The following PLCB4 variants were observed in gnomAD, a reference collection of about 807,000 sequenced individuals.
PLCB4 encodes the protein 1-phosphatidylinositol 4,5-bisphosphate phosphodiesterase beta-4.
In PLCB4, 77 loss-of-function variants were observed where a neutral mutation model predicts 178.8. The observed-to-expected ratio is 0.43, with a 90% CI of 0.36 to 0.52. PLCB4 has a LOEUF of 0.52. Among genes scored for constraint, PLCB4 ranks in the 20% least tolerant of loss-of-function variants. PLCB4 has a pLI of 0.00. For missense variants in PLCB4, 1,024 were observed against 1,453.4 expected (o/e 0.70, Z 4.80); for synonymous variants, 496 against 490.8 (o/e 1.01, Z -0.14).
At chr20:9,414,658 C>T (rs2040115977) in intron 25 of PLCB4, among the ~76,000 whole-genome samples, 1 of 152,216 alleles carries the variant, frequency 6.6e-6, no homozygotes. Flanking sequence ...GGAAAACCCT[C>T]TGTGCTCCCT....
At chr20:9,125,120 C>G (rs2146775107) in intron 2 of PLCB4, among the ~76,000 whole-genome samples, 1 of 152,258 alleles carries the variant, frequency 6.6e-6, no homozygotes, top group South Asian at 2.1e-4. Flanking sequence ...GATGGCAATT[C>G]TGCTTTCAGA....
chr20:9,234,896 G>A (rs79819694), intron 3 of PLCB4, among the ~76,000 whole-genome samples: 3,406 of 152,234 alleles, frequency 0.022, 66 homozygotes, highest in African/African-American at 0.033. Context: ...TTTGAGATTT[G>A]TCCTCATGCA....
chr20:9,203,056 A>AAAATATATATATATATATAT (rs769628056), intron 2 of PLCB4, among the ~76,000 whole-genome samples: 10 of 126,142 alleles, frequency 7.9e-5, no homozygotes, highest in African/African-American at 3.3e-4. Flanking sequence ...AAAAAAAAAA[A>AAAATATATATATATATATAT]ATATATATAT....
At chr20:9,203,040 T>TA (rs58109957) in intron 2 of PLCB4, among the ~76,000 whole-genome samples, 2,655 of 111,458 alleles carry the variant, frequency 0.024, 43 homozygotes, top group Non-Finnish European at 0.036. Flanking sequence ...TTGTCTTTGG[T>TA]AAAAAAAAAA....
intron 28 of PLCB4, among the ~76,000 whole-genome samples, chr20:9,426,503 C>A (rs546497010): frequency 6.6e-6 from 1 of 152,024 alleles, no homozygotes; most frequent in African/African-American, 2.4e-5. Flanking sequence ...CTCAGCCTCC[C>A]GATAGCTAGA....
intron 17 of PLCB4, 72 bp from the exon 18 acceptor site, chr20:9,393,516 T>G (rs897744649): frequency 1.1e-5 from 11 of 1,003,242 alleles, no homozygotes; most frequent in Non-Finnish European, 1.7e-5. Context: ...CCTCCCAGGC[T>G]CCTCCTGGAC....
chr20:9,339,152 G>C (rs564520765), intron 7 of PLCB4, 115 bp downstream of exon 7: 1 of 790,088 alleles, frequency 1.3e-6, no homozygotes, highest in Admixed American at 2.9e-5. Context: ...TTAAAAGTTA[G>C]CATTGCTTTG....
intron 2 of PLCB4, among the ~76,000 whole-genome samples, chr20:9,198,274 C>G (rs1239844601): frequency 6.6e-6 from 1 of 152,144 alleles, no homozygotes; most frequent in Non-Finnish European, 1.5e-5. Flanking sequence ...ACATTCCCCC[C>G]CTCTCAAAAC....
intron 1 of PLCB4, among the ~76,000 whole-genome samples, chr20:9,087,055 G>T (rs2090460442): frequency 6.6e-6 from 1 of 151,956 alleles, no homozygotes. Context: ...ACTTATTTGT[G>T]TGTTTCCGTT....
chr20:9,203,889 C>G (rs2093583616), intron 2 of PLCB4, among the ~76,000 whole-genome samples: 1 of 144,206 alleles, frequency 6.9e-6, no homozygotes, highest in Non-Finnish European at 1.5e-5. Flanking sequence ...TAGACCTGGT[C>G]TGAGAACCAT....
chr20:9,203,056 A>AAATATATATATAT (rs769628056), intron 2 of PLCB4, among the ~76,000 whole-genome samples: 1 of 126,158 alleles, frequency 7.9e-6, no homozygotes, highest in African/African-American at 3.3e-5. Context: ...AAAAAAAAAA[A>AAATATATATATAT]ATATATATAT....
At chr20:9,282,923 C>G (rs768085803) in intron 3 of PLCB4, among the ~76,000 whole-genome samples, 15 of 151,966 alleles carry the variant, frequency 9.9e-5, no homozygotes, top group Non-Finnish European at 1.9e-4. Context: ...TCAAAGAGAA[C>G]AAGAAGGAAA....
At chr20:9,173,360 G>A (rs1318230766) in intron 2 of PLCB4, among the ~76,000 whole-genome samples, 1 of 152,122 alleles carries the variant, frequency 6.6e-6, no homozygotes, top group Admixed American at 6.5e-5. Flanking sequence ...AGAAGATCTG[G>A]CCACATGCAG....
chr20:9,415,185 T>C (rs1250869169), intron 25 of PLCB4, among the ~76,000 whole-genome samples: 1 of 152,254 alleles, frequency 6.6e-6, no homozygotes, highest in Non-Finnish European at 1.5e-5. Context: ...ATATTCTGTT[T>C]TGTGAAGAAC....
At chr20:9,299,326 A>G (rs1053330654) in intron 3 of PLCB4, among the ~76,000 whole-genome samples, 1 of 152,124 alleles carries the variant, frequency 6.6e-6, no homozygotes, top group African/African-American at 2.4e-5. Context: ...TATAAAAATT[A>G]CAGTCACTAT....
chr20:9,251,458 C>T (rs1031081285), intron 3 of PLCB4, among the ~76,000 whole-genome samples: 3 of 152,148 alleles, frequency 2.0e-5, no homozygotes, highest in Non-Finnish European at 4.4e-5. Context: ...ACAAGAAATA[C>T]TGAGGTGAAG....
rs1415319571 is a variant in PLCB4, at chr20:9,339,021, A to G, written c.353A>G (p.Asn118Ser). ...NISFTYMVAE[N>S]PEVTKQWVEG... ...AGTTTTACCTACATGGTGGCTGAAA[A>G]TCCAGAAGTAACTAAGGTAGCTTCA... Residue 118 changes from asparagine (N) to serine (S), a missense_variant, in exon 7 of 40, where the codon AAT becomes AGT. By Grantham distance (46) the Asn-to-Ser change is conservative (BLOSUM62 1). This residue lies in a region of PLCB4 where 225 missense variants were observed against 291.0 expected (regional missense o/e 0.77). Transcript: ENST00000378473. 1 of 1,613,158 alleles carries G rather than the reference A, an allele frequency of 6.2e-7. No individual in the cohort carries two copies.
intron 25 of PLCB4, among the ~76,000 whole-genome samples, chr20:9,414,873 G>A (rs865882281): frequency 6.6e-6 from 1 of 152,150 alleles, no homozygotes; most frequent in Non-Finnish European, 1.5e-5. Flanking sequence ...TATCAAAATG[G>A]TATGACATTT....
chr20:9,388,863 A>G (rs1204475046), intron 15 of PLCB4, among the ~76,000 whole-genome samples: 1 of 152,196 alleles, frequency 6.6e-6, no homozygotes, highest in East Asian at 1.9e-4. Context: ...GAAGCCATGA[A>G]TTTGCATAGC....
Sources: gnomAD v4.1 joint callset for allele counts (sites outside exome capture counted in the v4.1 genomes callset) on GRCh38, gnomAD v4.1.1 for gene constraint, gnomAD v4.1.1 regional missense constraint, MANE v1.5 for transcripts, NCBI Gene and HGNC (gene_info 2026-07-23, HGNC 2026-07-21) for gene names.